The following PPIG variants were observed in gnomAD, a reference collection of about 807,000 sequenced individuals.
PPIG encodes the protein peptidyl-prolyl cis-trans isomerase G.
In PPIG, 26 loss-of-function variants were observed where a neutral mutation model predicts 87.9. The ratio of observed to expected loss-of-function variants is 0.30; its 90% CI spans 0.22 to 0.41. The LOEUF (loss-of-function observed/expected upper bound fraction) is 0.41. Ranked by LOEUF, PPIG falls within the 10% of genes least tolerant of loss-of-function variation. PPIG has a pLI of 1.00. For missense variants in PPIG, 722 were observed against 879.4 expected, an observed-to-expected ratio of 0.82 and a Z score of 2.26; for synonymous variants, 308 against 276.5, an observed-to-expected ratio of 1.11 and a Z score of -1.13.
intron 6 of PPIG, 30 bp from the exon 7 acceptor site, chr2:169,608,641 A>G (rs1425409520): frequency 6.7e-7 from 1 of 1,485,992 alleles, no homozygotes; most frequent in Non-Finnish European, 9.4e-7. Context: ...TTATATCTAT[A>G]ATGTAACTGA....
chr2:169,631,907 C>G lies in PPIG; in HGVS notation c.903C>G (p.Asn301Lys). The G allele has an allele frequency of 1.3e-6, 2 of 1,599,878 alleles. No individual in the cohort carries two copies. Among genetic ancestry groups the G allele is most frequent in the Non-Finnish European group, 1.7e-6 (2 of 1,168,720 alleles). ...PPKADEKERK[N>K]RERERERECN... ...AAGCTGATGAGAAGGAAAGGAAAAA[C>G]AGAGAGAGAGAAAGGGAAAGAGAGT... Residue 301 changes from asparagine (N) to lysine (K), a missense_variant, in exon 11 of 14, where the codon AAC (asparagine) becomes AAG (lysine). Physicochemically the swap from Asn to Lys is moderately conservative, Grantham distance 94. Transcript: ENST00000260970.
intron 1 of PPIG, among the ~76,000 whole-genome samples, chr2:169,595,519 A>G (rs1376708210): frequency 6.6e-6 from 1 of 152,042 alleles, no homozygotes; most frequent in East Asian, 1.9e-4. Context: ...ATTCTTAACT[A>G]TTTTTTTGCA....
chr2:169,590,498 C>T (rs1436217412), intron 1 of PPIG, among the ~76,000 whole-genome samples: 3 of 152,000 alleles, frequency 2.0e-5, no homozygotes, highest in Admixed American at 6.6e-5. Context: ...AAAAATTAGC[C>T]GGGCGTGGTG....
At chr2:169,626,404 A>AT (rs750183321) in intron 9 of PPIG, among the ~76,000 whole-genome samples, 4 of 151,940 alleles carry the variant, frequency 2.6e-5, no homozygotes, top group African/African-American at 4.8e-5. Context: ...TTTATTTTTT[A>AT]TTTTTTTGGA....
intron 1 of PPIG, among the ~76,000 whole-genome samples, chr2:169,591,070 C>T (rs1684850958): frequency 6.6e-6 from 1 of 152,172 alleles, no homozygotes; most frequent in African/African-American, 2.4e-5. Flanking sequence ...ATGCTGACTT[C>T]CTCATAATGT....
chr2:169,627,223 C>T (rs981921826), intron 9 of PPIG, among the ~76,000 whole-genome samples: 13 of 151,994 alleles, frequency 8.6e-5, no homozygotes, highest in South Asian at 2.1e-4. Context: ...CTCAGCCTCC[C>T]TAGTAGCTGG....
chr2:169,587,624 G>A (rs1684740343), intron 1 of PPIG, among the ~76,000 whole-genome samples: 1 of 152,122 alleles, frequency 6.6e-6, no homozygotes, highest in Admixed American at 6.5e-5. Flanking sequence ...TGCATAAATG[G>A]TCACCATAAG....
intron 5 of PPIG, 148 bp downstream of exon 5, chr2:169,606,294 A>G: frequency 4.2e-6 from 3 of 708,782 alleles, no homozygotes; most frequent in Non-Finnish European, 7.3e-6. Context: ...AGAAATATGT[A>G]AAAGAAGGAA....
intron 11 of PPIG, 152 bp downstream of exon 11, chr2:169,632,085 C>A: frequency 9.3e-7 from 1 of 1,075,018 alleles, no homozygotes; most frequent in Non-Finnish European, 1.3e-6. Context: ...TCTTTTTTGC[C>A]AACCACATAA....
chr2:169,636,474 A>C lies in PPIG; in HGVS notation c.1216A>C (p.Ile406Leu), dbSNP rs962954379. 2 of 1,581,296 alleles carry C rather than the reference A, an allele frequency of 1.3e-6. No homozygotes were observed. ...RSPVRVKERKITDHRNVSESP... is the reference protein window; with the variant it reads ...RSPVRVKERKLTDHRNVSESP... ...TCCAGTTAGAGTAAAAGAGAGAAAA[A>C]TAACAGATCACAGGAATGTATCTGA... Residue 406 changes from isoleucine to leucine, a missense_variant, in exon 14 of 14, where the codon ATA becomes CTA. Ile to Leu is a conservative substitution (Grantham distance 5, BLOSUM62 2). Transcript: ENST00000260970.
chr2:169,636,050 T>A, intron 12 of PPIG, 42 bp from the exon 13 acceptor site: 1 of 1,510,434 alleles, frequency 6.6e-7, no homozygotes, highest in Non-Finnish European at 9.0e-7. Context: ...AGTCCCTCTA[T>A]ACTTCTATAC....
intron 7 of PPIG, among the ~76,000 whole-genome samples, chr2:169,610,567 C>G (rs2105495269): frequency 6.6e-6 from 1 of 152,028 alleles, no homozygotes; most frequent in South Asian, 2.1e-4. Flanking sequence ...CTCTCCCACC[C>G]AACCCTTCCA....
At chr2:169,590,656 A>G (rs1684840430) in intron 1 of PPIG, among the ~76,000 whole-genome samples, 1 of 152,028 alleles carries the variant, frequency 6.6e-6, no homozygotes, top group South Asian at 2.1e-4. Flanking sequence ...AAAACAAACA[A>G]ACAAACAGAC....
At chr2:169,605,962 C>A (rs1685314544) in intron 4 of PPIG, 77 bp from the exon 5 acceptor site, 1 of 942,846 alleles carries the variant, frequency 1.1e-6, no homozygotes, top group Non-Finnish European at 1.7e-6. Context: ...TCAAGAGGGG[C>A]ATATTTTACA....
intron 9 of PPIG, among the ~76,000 whole-genome samples, chr2:169,616,164 A>C (rs1341488306): frequency 6.6e-6 from 1 of 152,128 alleles, no homozygotes; most frequent in Admixed American, 6.5e-5. Flanking sequence ...CATGTCCCTG[A>C]AAAGGACATG....
At chr2:169,633,799 T>C (rs1686117310) in intron 12 of PPIG, among the ~76,000 whole-genome samples, 1 of 151,626 alleles carries the variant, frequency 6.6e-6, no homozygotes, top group South Asian at 2.1e-4. Context: ...TTCATCTTAC[T>C]TAATCTTGCT....
In PPIG at chr2:169,636,496, C is replaced by A. The variant is rs769596706; in HGVS notation, c.1238C>A (p.Ser413Tyr). 4 of 1,606,754 alleles carry A rather than the reference C, an allele frequency of 2.5e-6. No individual in the cohort carries two copies. The highest frequency in any genetic ancestry group is 2.2e-5 in the South Asian group (2 of 89,062). Residue 413 changes from serine to tyrosine, a missense_variant, in exon 14 of 14, where the codon TCT becomes TAT. Physicochemically the swap from Ser to Tyr is moderately radical, Grantham distance 144 (BLOSUM62 -2). Around this residue, in one of 4 missense-constraint regions of PPIG, gnomAD observed 476 missense variants for 483.1 expected, o/e 0.99. Transcript: ENST00000260970. ...ERKITDHRNVSESPNRKNEKE... is the reference protein window; with the variant it reads ...ERKITDHRNVYESPNRKNEKE... ...AAAATAACAGATCACAGGAATGTAT[C>A]TGAGAGTCCAAACAGAAAAAATGAA...
intron 12 of PPIG, among the ~76,000 whole-genome samples, chr2:169,635,221 C>G (rs1375700219): frequency 2.6e-5 from 4 of 151,854 alleles, no homozygotes; most frequent in Admixed American, 1.3e-4. Context: ...ATTTTTGTGC[C>G]ACTCCTTTAC....
chr2:169,586,307 T>G (rs890596245), intron 1 of PPIG, among the ~76,000 whole-genome samples: 2 of 152,182 alleles, frequency 1.3e-5, no homozygotes, highest in Admixed American at 1.3e-4. Flanking sequence ...CAGGAGTGTA[T>G]AAGTATGTAA....
Sources: gnomAD v4.1 joint callset for allele counts (sites outside exome capture counted in the v4.1 genomes callset) on GRCh38, gnomAD v4.1.1 for gene constraint, gnomAD v4.1.1 regional missense constraint, MANE v1.5 for transcripts, NCBI Gene and HGNC (gene_info 2026-07-23, HGNC 2026-07-21) for gene names.